The following TENM3 variants were observed in gnomAD, a reference collection of about 807,000 sequenced individuals.
The protein encoded by TENM3 is teneurin-3.
Under a neutral mutation model 255.1 loss-of-function variants are expected in TENM3, and 63 were observed. The ratio of observed to expected loss-of-function variants is 0.25; its 90% confidence interval spans 0.20 to 0.30. The LOEUF is 0.30. Among genes scored for constraint, TENM3 ranks in the 10% least tolerant of loss-of-function variants. The pLI, the probability that TENM3 is intolerant of heterozygous loss-of-function variation, is 1.00. For synonymous variants in TENM3, 1,306 were observed against 1,322.3 expected (o/e 0.99, Z 0.27); for missense variants, 2,929 against 3,461.1 (o/e 0.85, Z 3.86).
At chr4:182,482,882 G>A (rs980336785) in intron 3 of TENM3, among the ~76,000 whole-genome samples, 1 of 152,128 alleles carries the variant, frequency 6.6e-6, no homozygotes, top group Non-Finnish European at 1.5e-5. Context: ...AGTTACGAGT[G>A]TAGACCTTCA....
intron 1 of TENM3, among the ~76,000 whole-genome samples, chr4:182,208,479 A>G (rs1454195928): frequency 6.6e-6 from 1 of 152,220 alleles, no homozygotes; most frequent in Non-Finnish European, 1.5e-5. Context: ...TATTCCACAC[A>G]TTTCCACACA....
At chr4:182,707,016 TTA>T (rs1023040796) in intron 12 of TENM3, among the ~76,000 whole-genome samples, 3 of 152,004 alleles carry the variant, frequency 2.0e-5, no homozygotes, top group African/African-American at 7.2e-5. Context: ...ATGCAGTGAT[TTA>T]CGTGGCCTAG....
chr4:181,961,262 T>A, the TENM3 span, among the ~76,000 whole-genome samples: 1 of 152,220 alleles, frequency 6.6e-6, no homozygotes, highest in Non-Finnish European at 1.5e-5. Context: ...CAAACTTCAA[T>A]GATAACATGC....
the TENM3 span, among the ~76,000 whole-genome samples, chr4:181,750,598 C>T: frequency 1.3e-5 from 2 of 152,144 alleles, no homozygotes; most frequent in African/African-American, 4.8e-5. Context: ...CATTCTAGTT[C>T]ATTCCAGGAC....
the TENM3 span, among the ~76,000 whole-genome samples, chr4:182,125,355 G>A: frequency 6.6e-6 from 1 of 152,330 alleles, no homozygotes; most frequent in Admixed American, 6.5e-5. Flanking sequence ...AAGTAGTAAG[G>A]CTAGCAATGC....
the TENM3 span, chr4:181,975,100 A>ACATGATT: frequency 6.6e-6 from 1 of 150,442 alleles, no homozygotes; most frequent in Non-Finnish European, 1.5e-5. Flanking sequence ...GCCGCAAAGG[A>ACATGATT]CATGATTCAT....
intron 1 of TENM3, among the ~76,000 whole-genome samples, chr4:182,169,608 T>G (rs1449789754): frequency 6.6e-6 from 1 of 152,186 alleles, no homozygotes; most frequent in Non-Finnish European, 1.5e-5. Flanking sequence ...ATGAGAAACG[T>G]GTGACTCTTG....
At chr4:181,827,084 C>G in the TENM3 span, among the ~76,000 whole-genome samples, 1 of 152,092 alleles carries the variant, frequency 6.6e-6, no homozygotes, top group African/African-American at 2.4e-5. Flanking sequence ...TCCTCTTTTC[C>G]CTACCTTCCA....
intron 22 of TENM3, among the ~76,000 whole-genome samples, chr4:182,764,299 G>C (rs1371921332): frequency 6.6e-6 from 1 of 152,218 alleles, no homozygotes; most frequent in African/African-American, 2.4e-5. Context: ...CATTCAGTAA[G>C]AATTTATTAT....
the TENM3 span, among the ~76,000 whole-genome samples, chr4:181,667,517 C>T: frequency 1.3e-5 from 2 of 152,098 alleles, no homozygotes; most frequent in Non-Finnish European, 1.5e-5. Flanking sequence ...AAAGCCTCTG[C>T]CCTCAAGTTG....
chr4:181,809,755 C>A, the TENM3 span, among the ~76,000 whole-genome samples: 1 of 152,112 alleles, frequency 6.6e-6, no homozygotes, highest in Admixed American at 6.5e-5. Flanking sequence ...GGGCGGCCCA[C>A]TGTAATCACA....
chr4:182,214,204 C>A (rs11722963), intron 1 of TENM3, among the ~76,000 whole-genome samples: 1 of 152,162 alleles, frequency 6.6e-6, no homozygotes. Flanking sequence ...AAGCATAATA[C>A]ATCACTTGTT....
intron 1 of TENM3, among the ~76,000 whole-genome samples, chr4:182,321,748 A>G (rs186948934): frequency 6.6e-4 from 101 of 152,232 alleles, no homozygotes; most frequent in Non-Finnish European, 1.5e-4. Flanking sequence ...GATGGAGGCC[A>G]TCCTGGCTAA....
chr4:182,385,414 A>G (rs1767849079), intron 3 of TENM3, among the ~76,000 whole-genome samples: 1 of 151,878 alleles, frequency 6.6e-6, no homozygotes, highest in African/African-American at 2.4e-5. Context: ...ATAGGCACCC[A>G]CAACCAAGCC....
At chr4:181,577,190 A>ATATATAT in the TENM3 span, among the ~76,000 whole-genome samples, 1 of 126,468 alleles carries the variant, frequency 7.9e-6, no homozygotes, top group Non-Finnish European at 1.6e-5. Context: ...ATTATATATT[A>ATATATAT]TATATATTAT....
chr4:182,545,357 A>G (rs1370313329), intron 3 of TENM3, among the ~76,000 whole-genome samples: 2 of 152,042 alleles, frequency 1.3e-5, no homozygotes, highest in Admixed American at 1.3e-4. Context: ...TATCTTAAAT[A>G]TTTCCACTTG....
the TENM3 span, among the ~76,000 whole-genome samples, chr4:181,534,112 C>G: frequency 2.9e-4 from 44 of 151,842 alleles, no homozygotes; most frequent in Non-Finnish European, 5.3e-4. Flanking sequence ...CATTCAAGGC[C>G]GGGTGCAGTG....
chr4:182,540,836 G>T (rs1489949955), intron 3 of TENM3, among the ~76,000 whole-genome samples: 2 of 152,164 alleles, frequency 1.3e-5, no homozygotes, highest in Admixed American at 6.5e-5. Flanking sequence ...TGCTAACAGA[G>T]CTCCTAACGA....
At chr4:182,555,689 G>T (rs1742514003) in intron 3 of TENM3, among the ~76,000 whole-genome samples, 1 of 152,038 alleles carries the variant, frequency 6.6e-6, no homozygotes, top group African/African-American at 2.4e-5. Context: ...TAACTTAAAT[G>T]CATTTATATG....
Sources: gnomAD v4.1 joint callset for allele counts (sites outside exome capture counted in the v4.1 genomes callset) on GRCh38, gnomAD v4.1.1 for gene constraint, MANE v1.5 for transcripts, NCBI Gene and HGNC (gene_info 2026-07-23, HGNC 2026-07-21) for gene names.